The following DMD variants were observed in gnomAD, a reference collection of about 807,000 sequenced individuals.
DMD encodes dystrophin.
A neutral mutation model predicts 330.1 loss-of-function variants in DMD; 63 were observed. That is an observed-to-expected ratio of 0.19 (90% CI 0.16 to 0.24). The LOEUF is 0.24. Ranked by LOEUF, DMD falls within the 10% of genes least tolerant of loss-of-function variation. The probability of loss-of-function intolerance (pLI) is 1.00; values close to 1 mark genes in which losing one functional copy is unlikely to be tolerated. For missense variants in DMD, 3,344 were observed against 2,684.1 expected (o/e 1.25, Z -5.43); for synonymous variants, 1,223 against 959.8 (o/e 1.27, Z -5.07).
chrX:31,526,937 C>A (rs2073282551), intron 55 of DMD, among the ~76,000 whole-genome samples: 1 of 111,904 alleles, frequency 8.9e-6, no homozygotes, highest in African/African-American at 3.2e-5. Flanking sequence ...TGGCGAAACT[C>A]TGTTTCTACA....
chrX:31,832,281 T>C (rs1443552689), intron 49 of DMD, among the ~76,000 whole-genome samples: 2 of 112,248 alleles, frequency 1.8e-5, no homozygotes, highest in South Asian at 7.4e-4. Context: ...GATGCACATC[T>C]TTTGTGAGTA....
At chrX:32,888,787 A>G (rs973822303) in intron 2 of DMD, among the ~76,000 whole-genome samples, 3 of 111,936 alleles carry the variant, frequency 2.7e-5, no homozygotes, top group Non-Finnish European at 3.8e-5. Flanking sequence ...GAACGGATTC[A>G]AAAATGTGGA....
At chrX:31,982,892 C>T (rs1287895011) in intron 44 of DMD, among the ~76,000 whole-genome samples, 3 of 101,704 alleles carry the variant, frequency 2.9e-5, no homozygotes, top group Non-Finnish European at 6.2e-5. Flanking sequence ...TAAAAGATAC[C>T]AAAAATCATA....
chrX:32,880,886 G>A (rs747317007), intron 2 of DMD, among the ~76,000 whole-genome samples: 1 of 112,726 alleles, frequency 8.9e-6, no homozygotes, highest in South Asian at 3.6e-4. Context: ...GGAGGTTGCG[G>A]TGAGCCGATA....
At chrX:31,145,316 T>G (rs996289258) in intron 76 of DMD, among the ~76,000 whole-genome samples, 1 of 111,741 alleles carries the variant, frequency 8.9e-6, no homozygotes, top group African/African-American at 3.3e-5. Context: ...ACATCTTCCT[T>G]GAACCTCCCT....
intron 63 of DMD, among the ~76,000 whole-genome samples, chrX:31,236,412 C>T (rs992324515): frequency 1.8e-5 from 2 of 112,468 alleles, no homozygotes; most frequent in Non-Finnish European, 3.7e-5. Context: ...CATCGTCCAC[C>T]CCCGCAATCC....
chrX:32,474,200 TACATACATACACACAC>T (rs774030975), intron 21 of DMD, among the ~76,000 whole-genome samples: 24 of 104,715 alleles, frequency 2.3e-4, no homozygotes, highest in African/African-American at 5.6e-4. Context: ...CATATATACA[TACATACATACACACAC>T]ACACACACAC....
chrX:31,535,706 C>T (rs1569550061), intron 55 of DMD, among the ~76,000 whole-genome samples: 1 of 111,768 alleles, frequency 8.9e-6, no homozygotes. Context: ...TCCAATCTTC[C>T]AAGTTACAGC....
chrX:32,293,727 C>G (rs372826856), intron 42 of DMD, among the ~76,000 whole-genome samples: 93 of 111,673 alleles, frequency 8.3e-4, no homozygotes, highest in African/African-American at 2.8e-3. Flanking sequence ...CTGTTGGATA[C>G]TATGCTCACT....
intron 44 of DMD, among the ~76,000 whole-genome samples, chrX:32,029,176 C>T (rs978650577): frequency 1.8e-5 from 2 of 111,370 alleles, no homozygotes; most frequent in African/African-American, 6.5e-5. Flanking sequence ...CCTCATTTAA[C>T]GTTCCACCAC....
intron 17 of DMD, among the ~76,000 whole-genome samples, chrX:32,538,948 C>A (rs2048244402): frequency 9.0e-6 from 1 of 110,501 alleles, no homozygotes; most frequent in Non-Finnish European, 1.9e-5. Flanking sequence ...ATCTGCATTT[C>A]AAAGAAGGTC....
chrX:33,265,925 C>A (rs1439829980), intron 1 of DMD, among the ~76,000 whole-genome samples: 1 of 111,306 alleles, frequency 9.0e-6, no homozygotes, highest in Admixed American at 9.6e-5. Context: ...CAGCTTTATT[C>A]CAGATAAGAA....
intron 55 of DMD, among the ~76,000 whole-genome samples, chrX:31,599,311 T>C (rs1307891469): frequency 8.9e-6 from 1 of 112,022 alleles, no homozygotes; most frequent in Non-Finnish European, 1.9e-5. Context: ...GAAGGCATAA[T>C]GTTCTCTCCG....
Position 32,331,037 on chromosome X carries a change from TTTTA to T in DMD, c.5922+11059_5922+11062del, listed in dbSNP as rs1393501331. On this transcript the variant is annotated intron_variant, in intron 41 of 78. Transcript: ENST00000357033. ...TTGATGCTGGAACCCTGTCCCCTAA[TTTTA>T]TAGGATCTTAGGAAACCTGCTTGAC... Among the ~76,000 whole-genome samples, 7 of 111,961 alleles carry T rather than the reference TTTTA, an allele frequency of 6.3e-5. No individual in the cohort carries two copies. The East Asian group carries it at 2.0e-3, about 32-fold the overall frequency.
rs184631728 is a variant in DMD at position 33,225,179 on chromosome X, T to A, written c.7+114080A>T. Among the ~76,000 whole-genome samples, 311 of 111,654 alleles carry A rather than the reference T, an allele frequency of 2.8e-3. 1 individual carries two copies. The highest frequency in any genetic ancestry group is 4.6e-3 in the Middle Eastern group (1 of 217). ...CAAAATCTCAGCAATATTTTTGGAA[T>A]TTAGGTGTAGGAAAAATTTATGTGA... On this transcript the variant is annotated intron_variant, in intron 1 of 17. Coordinates refer to the DMD transcript ENST00000288447.
intron 7 of DMD, among the ~76,000 whole-genome samples, chrX:32,784,015 G>A (rs375662255): frequency 1.3e-4 from 13 of 96,751 alleles, no homozygotes; most frequent in African/African-American, 3.9e-4. Context: ...GTGGGGGGGG[G>A]AAATACACAC....
intron 29 of DMD, among the ~76,000 whole-genome samples, chrX:32,436,513 G>A (rs1392418933): frequency 9.0e-6 from 1 of 111,621 alleles, no homozygotes; most frequent in Non-Finnish European, 1.9e-5. Context: ...AAATGTCAGG[G>A]TTTATACCAA....
chrX:31,787,295 T>C (rs996145343), intron 50 of DMD, among the ~76,000 whole-genome samples: 5 of 111,415 alleles, frequency 4.5e-5, no homozygotes, highest in Non-Finnish European at 9.4e-5. Context: ...CACTTGAAAC[T>C]AAGAGGTGGA....
At chrX:32,743,516 C>G (rs1477572039) in intron 7 of DMD, among the ~76,000 whole-genome samples, 1 of 110,330 alleles carries the variant, frequency 9.1e-6, no homozygotes, top group African/African-American at 3.3e-5. Context: ...AAGAAAGGAC[C>G]CTTATTTGTA....
Sources: gnomAD v4.1 joint callset for allele counts (sites outside exome capture counted in the v4.1 genomes callset) on GRCh38, gnomAD v4.1.1 for gene constraint, MANE v1.5 for transcripts, NCBI Gene and HGNC (gene_info 2026-07-23, HGNC 2026-07-21) for gene names.